GPC6: variants seen among roughly 807,000 people sequenced by gnomAD.
GPC6 encodes glypican 6.
Under a neutral mutation model 55.2 loss-of-function variants are expected in GPC6, and 14 were observed. The ratio of observed to expected loss-of-function variants is 0.25; its 90% confidence interval spans 0.17 to 0.40. The LOEUF (loss-of-function observed/expected upper bound fraction) is 0.40, where lower values mean the gene tolerates loss of function less well. GPC6 is among the 10% of genes least tolerant of loss of function. The pLI is 1.00. For missense variants in GPC6, 641 were observed against 708.5 expected, an observed-to-expected ratio of 0.90 and a Z score of 1.08; for synonymous variants, 278 against 259.6, an observed-to-expected ratio of 1.07 and a Z score of -0.68.
rs187387258 is a variant in GPC6, at chr13:93,723,345, G to A, written c.320-106809G>A. Among the ~76,000 whole-genome samples the A allele has an allele frequency of 4.1e-4, 63 of 151,924 alleles. 1 individual carries two copies. The highest frequency in any genetic ancestry group is 1.5e-3 in the African/African-American group (61 of 41,482). ...GAGGCAGTTTCTGATGTGTCTTTTC[G>A]TGATCTCTGTACCCTGGTGTGCATA... On this transcript the variant is annotated intron_variant, in intron 2 of 8. Coordinates refer to ENST00000377047, the MANE Select transcript of GPC6 (RefSeq NM_005708.5).
At chr13:93,856,003 A>G (rs1888597415) in intron 3 of GPC6, among the ~76,000 whole-genome samples, 1 of 151,622 alleles carries the variant, frequency 6.6e-6, no homozygotes, top group Non-Finnish European at 1.5e-5. Context: ...TTCTCTTGAC[A>G]GTGTCTTTCA....
At chr13:94,156,959 C>A (rs983233402) in intron 4 of GPC6, among the ~76,000 whole-genome samples, 1 of 152,150 alleles carries the variant, frequency 6.6e-6, no homozygotes, top group Admixed American at 6.5e-5. Flanking sequence ...CAGTGTAATT[C>A]AATTCAGTTT....
At chr13:93,583,338 T>TTGTGTGTGTGTGTG (rs34034260) in intron 2 of GPC6, among the ~76,000 whole-genome samples, 395 of 151,560 alleles carry the variant, frequency 2.6e-3, no homozygotes, top group African/African-American at 9.1e-3. Context: ...GTAATGCACA[T>TTGTGTGTGTGTGTG]TGTGTGTGTG....
At chr13:93,431,100 A>G (rs1295062933) in intron 1 of GPC6, among the ~76,000 whole-genome samples, 1 of 152,162 alleles carries the variant, frequency 6.6e-6, no homozygotes, top group Non-Finnish European at 1.5e-5. Flanking sequence ...TATTGAATCC[A>G]GGAAACTGTC....
At chr13:93,783,032 C>T (rs1885705336) in intron 2 of GPC6, among the ~76,000 whole-genome samples, 1 of 152,100 alleles carries the variant, frequency 6.6e-6, no homozygotes, top group South Asian at 2.1e-4. Context: ...TCCATGTGTT[C>T]TCATTGTTAA....
intron 4 of GPC6, among the ~76,000 whole-genome samples, chr13:94,065,605 A>G (rs1435217102): frequency 2.6e-5 from 4 of 152,214 alleles, no homozygotes; most frequent in Non-Finnish European, 5.9e-5. Context: ...ACATTCATGT[A>G]CAGAATATGA....
At chr13:94,232,487 C>A (rs1890759264) in intron 4 of GPC6, among the ~76,000 whole-genome samples, 1 of 151,588 alleles carries the variant, frequency 6.6e-6, no homozygotes. Flanking sequence ...TAGAGGAAAT[C>A]TAAATTTTTA....
intron 2 of GPC6, among the ~76,000 whole-genome samples, chr13:93,605,681 C>CA (rs747120957): frequency 0.05 from 5,662 of 113,560 alleles, 363 homozygotes; most frequent in African/African-American, 0.16. Flanking sequence ...TACAAAAATG[C>CA]AAAAAAAAAA....
intron 2 of GPC6, among the ~76,000 whole-genome samples, chr13:93,704,886 C>G (rs1882793661): frequency 6.6e-6 from 1 of 152,056 alleles, no homozygotes; most frequent in South Asian, 2.1e-4. Flanking sequence ...ATGGCATGAT[C>G]TGACTGGATC....
At chr13:93,741,272 A>C (rs922145806) in intron 2 of GPC6, among the ~76,000 whole-genome samples, 1 of 150,326 alleles carries the variant, frequency 6.7e-6, no homozygotes, top group Non-Finnish European at 1.5e-5. Flanking sequence ...CCACCACCAC[A>C]CCCGGCTAAT....
rs192223568 is a variant in GPC6 at position 93,760,750 on chromosome 13, C to T, written c.320-69404C>T. On this transcript the variant is annotated intron_variant, in intron 2 of 8. Coordinates refer to ENST00000377047, the MANE Select transcript of GPC6 (RefSeq NM_005708.5). ...TCCTGCATTCACCTAAAAATTCTAG[C>T]AAATGATTACATGTTCATTTCCTTA... 3.5e-4 allele frequency among the ~76,000 whole-genome samples: 53 copies of T among 152,278 alleles called. No homozygotes were observed. The East Asian group carries it at 9.6e-3, about 28-fold the overall frequency.
At chr13:93,440,661 T>C (rs2139287868) in intron 1 of GPC6, among the ~76,000 whole-genome samples, 1 of 149,880 alleles carries the variant, frequency 6.7e-6, no homozygotes, top group East Asian at 2.0e-4. Flanking sequence ...TTTTACAGCA[T>C]GCAAGTCTTG....
At chr13:94,157,416 T>G (rs2138906991) in intron 4 of GPC6, among the ~76,000 whole-genome samples, 1 of 152,058 alleles carries the variant, frequency 6.6e-6, no homozygotes, top group Non-Finnish European at 1.5e-5. Flanking sequence ...ACCTTCGTGA[T>G]AGGAGTCAAA....
At chr13:93,617,506 A>G (rs1239000935) in intron 2 of GPC6, among the ~76,000 whole-genome samples, 2 of 152,134 alleles carry the variant, frequency 1.3e-5, no homozygotes, top group East Asian at 1.9e-4. Flanking sequence ...ACCCATCTGC[A>G]TGGTAGCTCA....
intron 1 of GPC6, among the ~76,000 whole-genome samples, chr13:93,308,056 G>T (rs1418849257): frequency 1.3e-5 from 2 of 152,138 alleles, no homozygotes; most frequent in Non-Finnish European, 2.9e-5. Context: ...AGGCCGAGGT[G>T]GGCGGATCAC....
intron 4 of GPC6, among the ~76,000 whole-genome samples, chr13:94,104,420 T>A (rs1244806958): frequency 2.6e-5 from 4 of 152,164 alleles, no homozygotes; most frequent in African/African-American, 9.7e-5. Context: ...AAGACAGGGA[T>A]GCCCTCTCTC....
At chr13:93,411,664 AGAAAATT>A (rs1214901432) in intron 1 of GPC6, among the ~76,000 whole-genome samples, 1 of 152,182 alleles carries the variant, frequency 6.6e-6, no homozygotes, top group African/African-American at 2.4e-5. Flanking sequence ...CTCTGTATAA[AGAAAATT>A]CATTGACAAA....
chr13:94,036,460 T>G (rs931989038), intron 4 of GPC6, among the ~76,000 whole-genome samples: 1 of 152,050 alleles, frequency 6.6e-6, no homozygotes. Context: ...CAGGGATATA[T>G]CTGTATGCAT....
At chr13:93,297,014 G>C (rs9561300) in intron 1 of GPC6, among the ~76,000 whole-genome samples, 33,003 of 152,086 alleles carry the variant, frequency 0.22, 3,647 homozygotes, top group East Asian at 0.29. Flanking sequence ...GCTGAGTCAC[G>C]TGTAGGCTGG....
Sources: allele counts gnomAD v4.1 joint callset (sites outside exome capture counted in the v4.1 genomes callset), GRCh38; gene constraint gnomAD v4.1.1; transcripts MANE v1.5; gene names NCBI Gene and HGNC (gene_info 2026-07-23, HGNC 2026-07-21).